STAG1: variants seen among roughly 807,000 people sequenced by gnomAD.
STAG1 encodes cohesin subunit SA-1.
In STAG1, 26 loss-of-function variants were observed where a neutral mutation model predicts 170.9. That is an observed-to-expected ratio of 0.15 (90% CI 0.11 to 0.21). The LOEUF is 0.21. Ranked by LOEUF, STAG1 falls within the 10% of genes least tolerant of loss-of-function variation. The probability of loss-of-function intolerance (pLI) is 1.00; values close to 1 mark genes in which losing one functional copy is unlikely to be tolerated. For synonymous variants in STAG1, 514 were observed against 497.7 expected (o/e 1.03, Z -0.44); for missense variants, 964 against 1,509.5 (o/e 0.64, Z 5.99).
intron 7 of STAG1, among the ~76,000 whole-genome samples, chr3:136,516,772 G>C (rs1934400240): frequency 1.3e-5 from 2 of 152,148 alleles, no homozygotes; most frequent in African/African-American, 4.8e-5. Context: ...GCCAAGCATT[G>C]TCCCAAGCAC....
At chr3:136,669,386 C>T (rs1320423215) in intron 1 of STAG1, among the ~76,000 whole-genome samples, 1 of 152,174 alleles carries the variant, frequency 6.6e-6, no homozygotes, top group Non-Finnish European at 1.5e-5. Context: ...CGATGTCTTG[C>T]TCTGTCACCC....
chr3:136,710,583 T>G (rs568202810), intron 1 of STAG1, among the ~76,000 whole-genome samples: 1 of 152,188 alleles, frequency 6.6e-6, no homozygotes, highest in Non-Finnish European at 1.5e-5. Flanking sequence ...GCAATGTGCA[T>G]ACTGTATTTC....
rs540909664 is a variant in STAG1 at position 136,444,998 on chromosome 3, C to T, written c.1429-1594G>A. On this transcript the variant is annotated intron_variant, in intron 14 of 33. Transcript: ENST00000383202. ...AACTTAGCCCCTGGAGTAGCTGGGACTATAGGAGTGTGCTACCCCGCCTGG... is the reference window on the plus strand; with the variant it reads ...AACTTAGCCCCTGGAGTAGCTGGGATTATAGGAGTGTGCTACCCCGCCTGG... Among the ~76,000 whole-genome samples the T allele has an allele frequency of 4.7e-5, 7 of 150,054 alleles. No individual in the cohort carries two copies. The South Asian group carries it at 6.4e-4, about 14-fold the overall frequency.
chr3:136,525,607 C>G (rs1370623097), intron 6 of STAG1, among the ~76,000 whole-genome samples: 2 of 152,106 alleles, frequency 1.3e-5, no homozygotes, highest in East Asian at 3.8e-4. Flanking sequence ...CAGTTCTGCT[C>G]TGATCTTAGT....
Position 136,604,282 on chromosome 3 carries a change from T to C in STAG1, c.297+27A>G, listed in dbSNP as rs377387745. On this transcript the variant is annotated intron_variant, in intron 4 of 33. Coordinates refer to ENST00000383202, the MANE Select transcript of STAG1 (RefSeq NM_005862.3). ...CCAAGTTATTAACTGTATTGCTTTA[T>C]ACGTGAAATAAAAACTTAAAATTTA... The C allele has an allele frequency of 1.4e-5, 23 of 1,597,756 alleles. 1 individual carries two copies. In the South Asian group the frequency reaches 1.5e-4, roughly 10 times the overall value.
intron 1 of STAG1, among the ~76,000 whole-genome samples, chr3:136,670,469 A>G (rs1199463800): frequency 1.3e-5 from 2 of 152,082 alleles, no homozygotes; most frequent in Non-Finnish European, 2.9e-5. Context: ...TTGGTTTTAT[A>G]CCTTTTTTGG....
At chr3:136,702,117 G>GAGAGAGAGAGAGAGAC in intron 1 of STAG1, among the ~76,000 whole-genome samples, 1 of 71,806 alleles carries the variant, frequency 1.4e-5, no homozygotes, top group African/African-American at 5.9e-5. Flanking sequence ...GAGAGAGAGA[G>GAGAGAGAGAGAGAGAC]AGAGACAGAG....
chr3:136,619,471 C>G (rs2107826669), intron 3 of STAG1, among the ~76,000 whole-genome samples: 1 of 151,906 alleles, frequency 6.6e-6, no homozygotes, highest in Non-Finnish European at 1.5e-5. Context: ...TTAAACACAT[C>G]TTTAGGCCTG....
rs569955343 is a variant in STAG1 at position 136,696,879 on chromosome 3, G to T, written c.-84+55316C>A. 5.3e-5 allele frequency among the ~76,000 whole-genome samples: 8 copies of T among 152,184 alleles called. No individual in the cohort carries two copies. In the South Asian group the frequency reaches 1.5e-3, roughly 28 times the overall value. On this transcript the variant is annotated intron_variant, in intron 1 of 33. Coordinates refer to ENST00000383202, the MANE Select transcript of STAG1 (RefSeq NM_005862.3). ...TGCTAGGACCTGAGGTTCATGAAAG[G>T]AATGATCAAAAAGGGTATGAGGGAA...
chr3:136,339,438 G>A (rs1470120810), intron 32 of STAG1, among the ~76,000 whole-genome samples: 3 of 152,126 alleles, frequency 2.0e-5, no homozygotes, highest in Admixed American at 6.6e-5. Context: ...CAGGAGAATC[G>A]CTTGAACCTG....
At chr3:136,340,819 CAAT>C (rs1325546777) in intron 31 of STAG1, among the ~76,000 whole-genome samples, 1 of 152,148 alleles carries the variant, frequency 6.6e-6, no homozygotes, top group African/African-American at 2.4e-5. Context: ...AAGTACAATT[CAAT>C]AATAACGGTT....
At chr3:136,575,129 T>C (rs939341782) in intron 4 of STAG1, among the ~76,000 whole-genome samples, 2 of 152,150 alleles carry the variant, frequency 1.3e-5, no homozygotes, top group Non-Finnish European at 2.9e-5. Context: ...TACAAGAAAA[T>C]TTAGAGCTTT....
At chr3:136,606,761 T>C (rs936612253) in intron 3 of STAG1, among the ~76,000 whole-genome samples, 5 of 148,152 alleles carry the variant, frequency 3.4e-5, no homozygotes, top group African/African-American at 1.3e-4. Flanking sequence ...TTTTTTTTTT[T>C]TTTTTTGGGG....
chr3:136,451,960 A>AC, intron 14 of STAG1, 73 bp downstream of exon 14: 1 of 1,019,796 alleles, frequency 9.8e-7, no homozygotes, highest in East Asian at 2.7e-5. Context: ...TGATTGAAAA[A>AC]AATTAAAATG....
intron 1 of STAG1, among the ~76,000 whole-genome samples, chr3:136,705,818 T>C (rs372449245): frequency 2.6e-5 from 4 of 152,236 alleles, no homozygotes; most frequent in Admixed American, 6.5e-5. Context: ...AGTGTGAGAA[T>C]GAACTAATAC....
chr3:136,697,502 A>T (rs1204053371), intron 1 of STAG1, among the ~76,000 whole-genome samples: 1 of 152,206 alleles, frequency 6.6e-6, no homozygotes, highest in Non-Finnish European at 1.5e-5. Flanking sequence ...TCCAGCCACC[A>T]GCATTTTTTT....
At chr3:136,443,260 G>T in intron 15 of STAG1, 27 bp downstream of exon 15, 1 of 1,505,512 alleles carries the variant, frequency 6.6e-7, no homozygotes, top group Non-Finnish European at 9.2e-7. Flanking sequence ...ACAAAATCAT[G>T]TAAATTAACT....
chr3:136,344,632 A>G (rs1936140557), intron 29 of STAG1, among the ~76,000 whole-genome samples: 1 of 151,730 alleles, frequency 6.6e-6, no homozygotes, highest in South Asian at 2.1e-4. Context: ...CTTTTTTTTC[A>G]AGACGGAGTC....
intron 1 of STAG1, among the ~76,000 whole-genome samples, chr3:136,701,585 C>T (rs1019226271): frequency 3.9e-5 from 6 of 152,044 alleles, no homozygotes; most frequent in African/African-American, 7.2e-5. Context: ...AGCCGGTATG[C>T]CCCCCGGATG....
Sources: gnomAD v4.1 joint callset for allele counts (sites outside exome capture counted in the v4.1 genomes callset) on GRCh38, gnomAD v4.1.1 for gene constraint, MANE v1.5 for transcripts, NCBI Gene and HGNC (gene_info 2026-07-23, HGNC 2026-07-21) for gene names.